VCPIP1: variants seen among roughly 807,000 people sequenced by gnomAD.
VCPIP1 encodes deubiquitinating protein VCPIP1.
In VCPIP1, 8 loss-of-function variants were observed where a neutral mutation model predicts 85.0. The ratio of observed to expected loss-of-function variants is 0.09; its 90% CI spans 0.06 to 0.17. VCPIP1 has a LOEUF of 0.17. Ranked by LOEUF, VCPIP1 falls within the 10% of genes least tolerant of loss-of-function variation. VCPIP1 has a pLI of 1.00. For missense variants in VCPIP1, 1,070 were observed against 1,486.3 expected (o/e 0.72, Z 4.61); for synonymous variants, 543 against 544.5 (o/e 1.00, Z 0.04).
intron 1 of VCPIP1, among the ~76,000 whole-genome samples, chr8:66,659,850 A>G (rs1811139066): frequency 6.6e-6 from 1 of 152,060 alleles, no homozygotes; most frequent in Admixed American, 6.6e-5. Flanking sequence ...ACTTGGACCC[A>G]GGAAGCAGAG....
intron 1 of VCPIP1, among the ~76,000 whole-genome samples, chr8:66,658,113 A>G (rs1811117620): frequency 6.6e-6 from 1 of 152,156 alleles, no homozygotes; most frequent in Non-Finnish European, 1.5e-5. Context: ...AGGTGGGCGG[A>G]TCACGAGGTC....
At position 66,666,898 on chromosome 8, in the gene VCPIP1, G is replaced by C; in HGVS notation, c.61C>G (p.Pro21Ala). Residue 21 changes from proline to alanine, a missense_variant, in exon 1 of 3, where the codon CCA becomes GCA. Transcript: ENST00000310421. This position sits in a 1 kb window ranked among gnomAD's most constrained non-coding sequence, Gnocchi z 6.3. ...LPPPPPPPEA[P>A]QTPSSLASAA... ...GACGCCAAGGACGACGGAGTCTGTG[G>C]AGCCTCAGGGGGAGGAGGTGGCGGC... is the stretch of plus-strand genomic sequence containing the variant. 1 of 1,607,942 alleles carries C rather than the reference G, an allele frequency of 6.2e-7. No individual in the cohort carries two copies. The highest frequency in any genetic ancestry group is 8.5e-7 in the Non-Finnish European group (1 of 1,178,230).
At chr8:66,637,289 G>A (rs944081957) in intron 2 of VCPIP1, among the ~76,000 whole-genome samples, 1 of 152,000 alleles carries the variant, frequency 6.6e-6, no homozygotes, top group Non-Finnish European at 1.5e-5. Flanking sequence ...GTTTTAGGCT[G>A]CAGTGAGCTA....
chr8:66,637,441 C>CCCAG (rs1162911673), intron 2 of VCPIP1, among the ~76,000 whole-genome samples: 16 of 150,818 alleles, frequency 1.1e-4, no homozygotes, highest in Non-Finnish European at 2.4e-4. Context: ...CACCTGTAAT[C>CCCAG]CCAGCACTTT....
chr8:66,641,169 G>A (rs191921758), intron 2 of VCPIP1, among the ~76,000 whole-genome samples: 192 of 152,228 alleles, frequency 1.3e-3, no homozygotes, highest in African/African-American at 4.2e-3. Flanking sequence ...TGAGAGCTGC[G>A]GGCTAAGTAA....
intron 2 of VCPIP1, among the ~76,000 whole-genome samples, chr8:66,641,120 G>GT (rs1276635655): frequency 6.6e-6 from 1 of 152,212 alleles, no homozygotes; most frequent in East Asian, 1.9e-4. Context: ...CCCGGCCCCT[G>GT]TATCTGCTGA....
In VCPIP1 at chr8:66,666,312, T is replaced by A; in HGVS notation, c.647A>T (p.Asp216Val). 6.2e-7 allele frequency: 1 copy of A among 1,614,054 alleles called. No homozygotes were observed. The highest frequency in any genetic ancestry group is 8.5e-7 in the Non-Finnish European group (1 of 1,180,010). Residue 216 changes from aspartate to valine, a missense_variant, in exon 1 of 3, where the codon GAT becomes GTT. Asp to Val is a radical substitution (Grantham distance 152, BLOSUM62 -3). Around this residue, in one of 8 missense-constraint regions of VCPIP1, gnomAD observed 118 missense variants for 337.1 expected, o/e 0.35. Coordinates refer to ENST00000310421, the MANE Select transcript of VCPIP1 (RefSeq NM_025054.5). The surrounding 1 kb of genome is among the most constrained non-coding windows in gnomAD (Gnocchi z 6.3). ...ECLIPVHVDG[D>V]GHCLVHAVSR... is the part of the protein sequence containing the mutation. ...CACAGCATGCACCAAGCAGTGTCCA[T>A]CCCCGTCCACATGCACTGGAATGAG... is the stretch of plus-strand genomic sequence containing the variant.
intron 1 of VCPIP1, among the ~76,000 whole-genome samples, chr8:66,663,114 G>GA (rs1412079599): frequency 1.9e-4 from 23 of 121,744 alleles, no homozygotes; most frequent in Middle Eastern, 4.3e-3. Flanking sequence ...AAAAAAAAAA[G>GA]AAAAAAAAAA....
rs1179921030 is a variant in VCPIP1, at chr8:66,634,025, G to A, written c.*476C>T. ...GCATTCCACTGTCTAATAAATAATT[G>A]TATGAATTTTAAGATACAATTTAGT... On this transcript the variant is annotated 3_prime_UTR_variant, in exon 3 of 3. Transcript: ENST00000310421. 1 of 152,704 alleles carries A rather than the reference G, an allele frequency of 6.5e-6. No individual in the cohort carries two copies. Among genetic ancestry groups the A allele is most frequent in the African/African-American group, 2.4e-5 (1 of 41,424 alleles). 9.5% of individuals were successfully genotyped at this position (152,704 alleles called of 1,614,324 possible).
chr8:66,654,412 G>A (rs1471219660), intron 1 of VCPIP1, among the ~76,000 whole-genome samples: 1 of 152,220 alleles, frequency 6.6e-6, no homozygotes, highest in African/African-American at 2.4e-5. Flanking sequence ...GGAAACAGAG[G>A]TTGCAGTGAG....
chr8:66,628,932 G>A lies in VCPIP1; in HGVS notation c.*5569C>T, dbSNP rs1214342215. On this transcript the variant is annotated 3_prime_UTR_variant, in exon 3 of 3. Coordinates refer to ENST00000310421, the MANE Select transcript of VCPIP1 (RefSeq NM_025054.5). ...GCCTTGGGTCACAGAGCACACTGTC[G>A]GTTTGAGATTCTCAGTGTTGCACAT... 6 of 152,260 alleles carry A rather than the reference G, an allele frequency of 3.9e-5. No individual in the cohort carries two copies. Among genetic ancestry groups the A allele is most frequent in the African/African-American group, 9.6e-5 (4 of 41,556 alleles). The allele number at this position is 152,260 out of a possible 1,614,324, so 9.4% of individuals were successfully genotyped here. A position where few individuals can be genotyped will look rare whatever the true frequency, so the allele number is the denominator to read the frequency against.
At chr8:66,639,468 C>T (rs1810926862) in intron 2 of VCPIP1, among the ~76,000 whole-genome samples, 1 of 151,176 alleles carries the variant, frequency 6.6e-6, no homozygotes, top group Non-Finnish European at 1.5e-5. Flanking sequence ...GATTCTCATG[C>T]CTCAGCCTCC....
At chr8:66,658,534 G>A (rs1586628758) in intron 1 of VCPIP1, among the ~76,000 whole-genome samples, 1 of 151,932 alleles carries the variant, frequency 6.6e-6, no homozygotes, top group African/African-American at 2.4e-5. Context: ...CTGTCACCAG[G>A]CTGGAGTGCA....
intron 2 of VCPIP1, among the ~76,000 whole-genome samples, chr8:66,640,396 C>CAG (rs1190886419): frequency 3.3e-5 from 5 of 152,190 alleles, no homozygotes; most frequent in African/African-American, 1.2e-4. Context: ...ACTTAGAAGT[C>CAG]AGAGTGTAAT....
intron 1 of VCPIP1, among the ~76,000 whole-genome samples, chr8:66,662,496 CTATT>C (rs1176845155): frequency 1.3e-5 from 2 of 152,064 alleles, no homozygotes; most frequent in African/African-American, 2.4e-5. Context: ...TTAATGTCAT[CTATT>C]TAATTCAATT....
rs1810836537 is a variant in VCPIP1, at chr8:66,631,813, G to A, written c.*2688C>T. On this transcript the variant is annotated 3_prime_UTR_variant, in exon 3 of 3. Transcript: ENST00000310421. ...GTTCCTGAGTAACCATTCTCATGGA[G>A]TTAATTATATTCTATCTTAATATAT... 1 of 152,460 alleles carries A rather than the reference G, an allele frequency of 6.6e-6. No homozygotes were observed. The highest frequency in any genetic ancestry group is 1.5e-5 in the Non-Finnish European group (1 of 67,950). 9.4% of individuals were successfully genotyped at this position (152,460 alleles called of 1,614,324 possible).
intron 2 of VCPIP1, among the ~76,000 whole-genome samples, chr8:66,646,699 G>T (rs1303281153): frequency 6.6e-6 from 1 of 152,096 alleles, no homozygotes; most frequent in Admixed American, 6.6e-5. Context: ...AGGAAGCTGA[G>T]GCAGGAAAGA....
chr8:66,655,016 G>A (rs556683832), intron 1 of VCPIP1, among the ~76,000 whole-genome samples: 15 of 152,216 alleles, frequency 9.9e-5, no homozygotes, highest in South Asian at 2.1e-4. Flanking sequence ...TAATTGTTAC[G>A]TATCATTTAA....
In VCPIP1 at chr8:66,631,085, TG is replaced by T. The variant is rs1165841204; in HGVS notation, c.*3415del. 1 of 152,152 alleles carries T rather than the reference TG, an allele frequency of 6.6e-6. No homozygotes were observed. Among genetic ancestry groups the T allele is most frequent in the Admixed American group, 6.5e-5 (1 of 15,288 alleles). The allele number at this position is 152,152 out of a possible 1,614,324, so 9.4% of individuals were successfully genotyped here. A position where few individuals can be genotyped will look rare whatever the true frequency, so the allele number is the denominator to read the frequency against. ...GGTTTTTAATTCACATTAAGATAGG[TG>T]GAATTTAATCCAATTTTGCAAAGGC... is the stretch of plus-strand genomic sequence containing the variant. On this transcript the variant is annotated 3_prime_UTR_variant, in exon 3 of 3. Transcript: ENST00000310421.
Sources: allele counts gnomAD v4.1 joint callset (sites outside exome capture counted in the v4.1 genomes callset), GRCh38; gene constraint gnomAD v4.1.1; regional missense constraint gnomAD v4.1.1; non-coding constraint Gnocchi (gnomAD v3.1); transcripts MANE v1.5; gene names NCBI Gene and HGNC (gene_info 2026-07-23, HGNC 2026-07-21).